The following GULP1 variants were observed in gnomAD, a reference collection of about 807,000 sequenced individuals.
GULP1 encodes GULP PTB domain containing engulfment adaptor 1, also known as PTB domain-containing engulfment adapter protein 1.
In GULP1, 19 loss-of-function variants were observed where a neutral mutation model predicts 40.9. The ratio of observed to expected loss-of-function variants is 0.46; its 90% CI spans 0.32 to 0.68. The LOEUF is 0.68. GULP1 is among the 30% of genes least tolerant of loss of function. The probability of loss-of-function intolerance (pLI) is 0.03; values close to 1 mark genes in which losing one functional copy is unlikely to be tolerated. For missense variants in GULP1, 312 were observed against 362.2 expected, an observed-to-expected ratio of 0.86 and a Z score of 1.12; for synonymous variants, 119 against 117.6, an observed-to-expected ratio of 1.01 and a Z score of -0.08.
At chr2:188,571,938 T>C (rs1699141544) in intron 9 of GULP1, among the ~76,000 whole-genome samples, 1 of 152,218 alleles carries the variant, frequency 6.6e-6, no homozygotes, top group Non-Finnish European at 1.5e-5. Context: ...AATCCAAACC[T>C]GGTCATTGTG....
chr2:188,447,914 A>G (rs563268483), intron 2 of GULP1, among the ~76,000 whole-genome samples: 3 of 152,156 alleles, frequency 2.0e-5, no homozygotes, highest in Non-Finnish European at 4.4e-5. Context: ...AAGAATTCAA[A>G]CTCATTCTTT....
At chr2:188,489,927 C>T (rs745374236) in intron 4 of GULP1, among the ~76,000 whole-genome samples, 1 of 152,038 alleles carries the variant, frequency 6.6e-6, no homozygotes, top group Non-Finnish European at 1.5e-5. Context: ...CCTAACATTG[C>T]ATGGCTTCTG....
At chr2:188,344,996 A>C (rs150462799) in intron 1 of GULP1, among the ~76,000 whole-genome samples, 379 of 150,164 alleles carry the variant, frequency 2.5e-3, no homozygotes, top group African/African-American at 8.1e-3. Flanking sequence ...TCTTATTTTC[A>C]TGAGTAGTAA....
intron 2 of GULP1, among the ~76,000 whole-genome samples, chr2:188,471,978 T>A (rs1039998433): frequency 3.3e-5 from 5 of 152,198 alleles, no homozygotes; most frequent in African/African-American, 1.2e-4. Context: ...AACTCAGCTA[T>A]TGTTTGTCTG....
intron 4 of GULP1, among the ~76,000 whole-genome samples, chr2:188,510,618 A>G (rs983819985): frequency 3.3e-5 from 5 of 152,090 alleles, no homozygotes; most frequent in Admixed American, 6.6e-5. Flanking sequence ...CAGCCTCACT[A>G]AGAAACAGAA....
At chr2:188,307,865 T>C (rs1256186994) in intron 1 of GULP1, among the ~76,000 whole-genome samples, 1 of 152,222 alleles carries the variant, frequency 6.6e-6, no homozygotes, top group East Asian at 1.9e-4. Context: ...ATATTTGTAG[T>C]ACTATTAAAG....
intron 4 of GULP1, among the ~76,000 whole-genome samples, chr2:188,495,544 G>T (rs1353861426): frequency 6.6e-6 from 1 of 151,944 alleles, no homozygotes; most frequent in Non-Finnish European, 1.5e-5. Flanking sequence ...ACTGCAAAAG[G>T]ACCAACAGTT....
intron 4 of GULP1, among the ~76,000 whole-genome samples, chr2:188,502,905 A>G (rs2063562001): frequency 6.6e-6 from 1 of 151,924 alleles, no homozygotes; most frequent in Admixed American, 6.6e-5. Context: ...CTTTGCTTCC[A>G]AGATGGCATC....
At chr2:188,376,373 T>C (rs1032600343) in intron 1 of GULP1, among the ~76,000 whole-genome samples, 2 of 152,214 alleles carry the variant, frequency 1.3e-5, no homozygotes, top group African/African-American at 4.8e-5. Flanking sequence ...TTAAATTACG[T>C]TATTTTATGG....
chr2:188,413,060 C>T (rs1424620554), intron 2 of GULP1, among the ~76,000 whole-genome samples: 1 of 152,052 alleles, frequency 6.6e-6, no homozygotes, highest in Non-Finnish European at 1.5e-5. Context: ...ACACTGGAGA[C>T]AGTTAAACTC....
intron 2 of GULP1, among the ~76,000 whole-genome samples, chr2:188,456,684 A>G (rs2059296712): frequency 6.6e-6 from 1 of 152,188 alleles, no homozygotes. Context: ...CAGAGTCCCT[A>G]CTGGGGCACC....
chr2:188,469,856 G>A (rs1001347406), intron 2 of GULP1, among the ~76,000 whole-genome samples: 1 of 152,110 alleles, frequency 6.6e-6, no homozygotes, highest in Non-Finnish European at 1.5e-5. Context: ...GCAGCACACT[G>A]ATTGATTTGC....
intron 2 of GULP1, among the ~76,000 whole-genome samples, chr2:188,393,261 A>G (rs1206464401): frequency 6.6e-6 from 1 of 151,962 alleles, no homozygotes; most frequent in Non-Finnish European, 1.5e-5. Context: ...TGGGATCTCT[A>G]GAGTTAGATG....
chr2:188,360,194 T>G (rs754610867), intron 1 of GULP1, among the ~76,000 whole-genome samples: 14 of 152,110 alleles, frequency 9.2e-5, no homozygotes, highest in Non-Finnish European at 1.9e-4. Flanking sequence ...GTTATGATCT[T>G]ATAAACAGTG....
intron 2 of GULP1, among the ~76,000 whole-genome samples, chr2:188,439,830 C>G (rs1021392503): frequency 6.6e-6 from 1 of 152,058 alleles, no homozygotes; most frequent in Non-Finnish European, 1.5e-5. Flanking sequence ...CAGAGACAGC[C>G]TACACTGATC....
At chr2:188,458,734 A>G (rs1366273957) in intron 2 of GULP1, among the ~76,000 whole-genome samples, 2 of 152,124 alleles carry the variant, frequency 1.3e-5, no homozygotes, top group Non-Finnish European at 2.9e-5. Context: ...ACTTTTGACT[A>G]TAGACATCTT....
chr2:188,580,509 C>T (rs1388486351), intron 9 of GULP1, among the ~76,000 whole-genome samples: 2 of 149,792 alleles, frequency 1.3e-5, no homozygotes, highest in East Asian at 3.9e-4. Flanking sequence ...GCCGAGATCC[C>T]GCCACTGCAC....
At chr2:188,387,419 G>A (rs2049930741) in intron 2 of GULP1, among the ~76,000 whole-genome samples, 1 of 152,144 alleles carries the variant, frequency 6.6e-6, no homozygotes, top group Admixed American at 6.6e-5. Flanking sequence ...AGAAGGGAAG[G>A]CACATAAATA....
intron 2 of GULP1, among the ~76,000 whole-genome samples, chr2:188,420,176 G>A (rs545169791): frequency 6.6e-6 from 1 of 152,012 alleles, no homozygotes; most frequent in South Asian, 2.1e-4. Flanking sequence ...TGGGGTTTTT[G>A]TGGTTTCATA....
Sources: allele counts gnomAD v4.1 joint callset (sites outside exome capture counted in the v4.1 genomes callset), GRCh38; gene constraint gnomAD v4.1.1; transcripts MANE v1.5; gene names NCBI Gene and HGNC (gene_info 2026-07-23, HGNC 2026-07-21).